The following CACNA2D1 variants were observed in gnomAD, a reference collection of about 807,000 sequenced individuals.
CACNA2D1 encodes the protein voltage-dependent calcium channel subunit alpha-2/delta-1.
In CACNA2D1, 53 loss-of-function variants were observed where a neutral mutation model predicts 171.5. The observed-to-expected ratio is 0.31, with a 90% CI of 0.25 to 0.39. CACNA2D1 has a LOEUF of 0.39. Ranked by LOEUF, CACNA2D1 falls within the 10% of genes least tolerant of loss-of-function variation. The pLI is 1.00. For synonymous variants in CACNA2D1, 442 were observed against 443.1 expected, an observed-to-expected ratio of 1.00 and a Z score of 0.03; for missense variants, 903 against 1,299.8, an observed-to-expected ratio of 0.69 and a Z score of 4.69.
intron 1 of CACNA2D1, among the ~76,000 whole-genome samples, chr7:82,384,500 C>T (rs1483156816): frequency 6.6e-6 from 1 of 152,010 alleles, no homozygotes; most frequent in African/African-American, 2.4e-5. Context: ...AAATAAATGT[C>T]TTTCATTTAA....
At chr7:82,148,416 G>A (rs1793403417) in intron 4 of CACNA2D1, among the ~76,000 whole-genome samples, 1 of 151,986 alleles carries the variant, frequency 6.6e-6, no homozygotes, top group African/African-American at 2.4e-5. Flanking sequence ...AAAAGCTGAA[G>A]GAGAGAGCTA....
chr7:82,207,912 A>T (rs571702985), intron 3 of CACNA2D1, among the ~76,000 whole-genome samples: 39 of 152,338 alleles, frequency 2.6e-4, no homozygotes, highest in Non-Finnish European at 5.0e-4. Context: ...TAGAGGGTAT[A>T]CAAAACCCTC....
At chr7:82,202,405 G>A (rs1585086143) in intron 3 of CACNA2D1, among the ~76,000 whole-genome samples, 3 of 152,262 alleles carry the variant, frequency 2.0e-5, no homozygotes, top group Non-Finnish European at 4.4e-5. Flanking sequence ...GGTCCCCACT[G>A]ATTCTGAGTC....
chr7:82,006,728 G>A (rs1363457242), intron 16 of CACNA2D1, among the ~76,000 whole-genome samples: 1 of 152,008 alleles, frequency 6.6e-6, no homozygotes, highest in Non-Finnish European at 1.5e-5. Flanking sequence ...ATGAGAAAGT[G>A]AGAGTTACTC....
chr7:82,055,321 C>T lies in CACNA2D1; in HGVS notation c.879+5107G>A, dbSNP rs959350291. 2.0e-4 allele frequency among the ~76,000 whole-genome samples: 30 copies of T among 152,086 alleles called. 1 individual carries two copies. The highest frequency in any genetic ancestry group is 3.4e-4 in the Non-Finnish European group (23 of 68,016). ...TTCCTAGAGACCATAAAAGATGATGCATACTTTCCTCATGATCTGATCCTA... is the reference window on the plus strand; with the variant it reads ...TTCCTAGAGACCATAAAAGATGATGTATACTTTCCTCATGATCTGATCCTA... On this transcript the variant is annotated intron_variant, in intron 10 of 38. Transcript: ENST00000356860.
chr7:82,170,535 A>G lies in CACNA2D1; in HGVS notation c.354+15T>C, dbSNP rs1795904236. The G allele has an allele frequency of 6.2e-7, 1 of 1,601,694 alleles. No homozygotes were observed. Among genetic ancestry groups the G allele is most frequent in the Non-Finnish European group, 8.6e-7 (1 of 1,168,964 alleles). On this transcript the variant is annotated intron_variant, in intron 4 of 38. Coordinates refer to ENST00000356860, the MANE Select transcript of CACNA2D1 (RefSeq NM_000722.4). ...GTCAAGCTATTTAAATCAAGTAGTTAAAAGGGGTTCTTACTGCAAAATCTT... is the reference window on the plus strand; with the variant it reads ...GTCAAGCTATTTAAATCAAGTAGTTGAAAGGGGTTCTTACTGCAAAATCTT...
intron 1 of CACNA2D1, among the ~76,000 whole-genome samples, chr7:82,381,404 TG>T (rs769372603): frequency 2.0e-5 from 3 of 152,100 alleles, no homozygotes; most frequent in Non-Finnish European, 4.4e-5. Context: ...TCAAATTATT[TG>T]TGACTACCTT....
intron 1 of CACNA2D1, among the ~76,000 whole-genome samples, chr7:82,364,223 GA>G (rs201421404): frequency 6.6e-6 from 1 of 151,344 alleles, no homozygotes; most frequent in Non-Finnish European, 1.5e-5. Flanking sequence ...GTGTCAAAAA[GA>G]AAAAAAAAGT....
At chr7:82,102,344 C>A (rs1333146814) in intron 6 of CACNA2D1, among the ~76,000 whole-genome samples, 2 of 151,766 alleles carry the variant, frequency 1.3e-5, no homozygotes, top group Non-Finnish European at 2.9e-5. Context: ...AGATTTAAAT[C>A]AATTCATTAG....
rs768459115 is a variant in CACNA2D1, at chr7:81,958,474, T to C, written c.3159+801A>G. Among the ~76,000 whole-genome samples, 10 of 152,180 alleles carry C rather than the reference T, an allele frequency of 6.6e-5. No homozygotes were observed. In the South Asian group the frequency reaches 1.9e-3, roughly 28 times the overall value. On this transcript the variant is annotated intron_variant, in intron 38 of 38. Coordinates refer to ENST00000356860, the MANE Select transcript of CACNA2D1 (RefSeq NM_000722.4). ...AAAAAGAGGTAGACAGAGATTTTTATGTAGACTTCATCTTTGAGAATAGAT... is the reference window on the plus strand; with the variant it reads ...AAAAAGAGGTAGACAGAGATTTTTACGTAGACTTCATCTTTGAGAATAGAT...
At chr7:82,190,331 G>GT (rs1393022701) in intron 3 of CACNA2D1, among the ~76,000 whole-genome samples, 1 of 151,574 alleles carries the variant, frequency 6.6e-6, no homozygotes, top group African/African-American at 2.4e-5. Flanking sequence ...ATCCATAATT[G>GT]TATTAACTAT....
intron 20 of CACNA2D1, among the ~76,000 whole-genome samples, chr7:81,992,133 G>A (rs369683843): frequency 1.3e-3 from 192 of 151,458 alleles, no homozygotes; most frequent in African/African-American, 3.9e-3. Context: ...GTGAGCCACC[G>A]CTCTCAGCCG....
Position 82,396,027 on chromosome 7 carries a change from T to C in CACNA2D1, c.96-46378A>G, listed in dbSNP as rs116477978. Among the ~76,000 whole-genome samples, 1,172 of 152,364 alleles carry C rather than the reference T, an allele frequency of 7.7e-3. 19 individuals are homozygous for C. Among genetic ancestry groups the C allele is most frequent in the African/African-American group, 0.024 (1,000 of 41,586 alleles). ...GCATTACAGAATTGTTTGGACTTTC[T>C]AATATATTTTATTACTTTTAGTAAT... On this transcript the variant is annotated intron_variant, in intron 1 of 38. Transcript: ENST00000356860.
chr7:82,166,373 C>A (rs548819466), intron 4 of CACNA2D1, among the ~76,000 whole-genome samples: 1 of 151,974 alleles, frequency 6.6e-6, no homozygotes, highest in East Asian at 1.9e-4. Context: ...AATTTCTAGA[C>A]GTCTGTACTC....
chr7:82,327,718 G>A (rs1269543137), intron 3 of CACNA2D1, among the ~76,000 whole-genome samples: 5 of 152,132 alleles, frequency 3.3e-5, no homozygotes, highest in Non-Finnish European at 7.3e-5. Context: ...GCTCAAACAC[G>A]GTGATTTCAG....
At chr7:82,044,221 G>C (rs1423372909) in intron 10 of CACNA2D1, among the ~76,000 whole-genome samples, 1 of 152,108 alleles carries the variant, frequency 6.6e-6, no homozygotes, top group Non-Finnish European at 1.5e-5. Flanking sequence ...CTTCCCCTCA[G>C]AAAGACCGTT....
At chr7:82,076,288 A>C (rs1348834910) in intron 7 of CACNA2D1, among the ~76,000 whole-genome samples, 1 of 152,192 alleles carries the variant, frequency 6.6e-6, no homozygotes, top group South Asian at 2.1e-4. Flanking sequence ...ATTGATGGAT[A>C]GTATACAGCA....
At chr7:82,145,262 T>C (rs1792851763) in intron 4 of CACNA2D1, among the ~76,000 whole-genome samples, 1 of 145,308 alleles carries the variant, frequency 6.9e-6, no homozygotes, top group African/African-American at 2.5e-5. Context: ...ATAAATTATA[T>C]AAAATATATA....
intron 1 of CACNA2D1, among the ~76,000 whole-genome samples, chr7:82,406,022 T>C (rs950168231): frequency 6.6e-6 from 1 of 152,118 alleles, no homozygotes; most frequent in Admixed American, 6.6e-5. Context: ...GTGTATCTCC[T>C]AATGCTATCC....
Sources: gnomAD v4.1 joint callset for allele counts (sites outside exome capture counted in the v4.1 genomes callset) on GRCh38, gnomAD v4.1.1 for gene constraint, MANE v1.5 for transcripts, NCBI Gene and HGNC (gene_info 2026-07-23, HGNC 2026-07-21) for gene names.